The following FAM117A variants were observed in gnomAD, a reference collection of about 807,000 sequenced individuals.
The protein encoded by FAM117A is protein FAM117A.
In FAM117A, 21 loss-of-function variants were observed where a neutral mutation model predicts 44.1. That is an observed-to-expected ratio of 0.48 (90% CI 0.34 to 0.69). The LOEUF is 0.69. Ranked by LOEUF, FAM117A falls within the 30% of genes least tolerant of loss-of-function variation. The pLI is 0.01. For missense variants in FAM117A, 498 were observed against 589.9 expected (o/e 0.84, Z 1.61); for synonymous variants, 220 against 238.3 (o/e 0.92, Z 0.71).
At chr17:49,773,027 C>T (rs1020595465) in intron 1 of FAM117A, among the ~76,000 whole-genome samples, 2 of 151,968 alleles carry the variant, frequency 1.3e-5, no homozygotes, top group African/African-American at 2.4e-5. Flanking sequence ...AAAAATTGGC[C>T]GGGCGTGGTG....
At chr17:49,742,089 GATA>G (rs2073636828) in intron 1 of FAM117A, among the ~76,000 whole-genome samples, 1 of 152,088 alleles carries the variant, frequency 6.6e-6, no homozygotes, top group South Asian at 2.1e-4. Context: ...GAAGAAAAAT[GATA>G]ATATCCCATG....
chr17:49,761,099 G>A (rs1043193823), intron 1 of FAM117A, among the ~76,000 whole-genome samples: 3 of 152,212 alleles, frequency 2.0e-5, no homozygotes, highest in Non-Finnish European at 4.4e-5. Context: ...AACACAGCAG[G>A]ATGTGTGGTG....
At chr17:49,785,634 G>T (rs575024624) in intron 1 of FAM117A, among the ~76,000 whole-genome samples, 4 of 152,304 alleles carry the variant, frequency 2.6e-5, no homozygotes, top group African/African-American at 9.6e-5. Flanking sequence ...TACAGCTGAT[G>T]ATACAATAAA....
At chr17:49,724,585 C>A in intron 2 of FAM117A, 1 of 431,218 alleles carries the variant, frequency 2.3e-6, no homozygotes, top group Non-Finnish European at 4.7e-6. Flanking sequence ...GTAATCCCAA[C>A]ACTTTGGGAG....
chr17:49,745,697 G>A (rs567431847), intron 1 of FAM117A, among the ~76,000 whole-genome samples: 6 of 152,284 alleles, frequency 3.9e-5, no homozygotes, highest in African/African-American at 9.6e-5. Context: ...ATACCACCAT[G>A]AGGAAACAGA....
At chr17:49,718,836 G>A (rs1408040570) in intron 5 of FAM117A, among the ~76,000 whole-genome samples, 1 of 150,412 alleles carries the variant, frequency 6.6e-6, no homozygotes, top group Non-Finnish European at 1.5e-5. Context: ...AATTACCTGG[G>A]CATGGTGGCG....
chr17:49,716,284 T>A lies in FAM117A; in HGVS notation c.942A>T (p.Glu314Asp). 2.5e-6 allele frequency: 4 copies of A among 1,605,932 alleles called. No individual in the cohort carries two copies. The highest frequency in any genetic ancestry group is 3.4e-6 in the Non-Finnish European group (4 of 1,175,712). ...CAAGGACTGGAGATGGGCTGCCATC[T>A]TCAAGAAAGGCTGGGTGTCCTGGAG... Reference protein sequence around the residue: ...ASSPGHPAFLEDGSPSPVLAF... With the variant: ...ASSPGHPAFLDDGSPSPVLAF... The change falls in exon 7 of 8, where the codon GAA (glutamate) becomes GAT (aspartate). Residue 314 changes from glutamate (E) to aspartate (D), a missense_variant. Coordinates refer to ENST00000240364, the MANE Select transcript of FAM117A (RefSeq NM_030802.4).
intron 2 of FAM117A, chr17:49,724,517 A>G (rs2073550341): frequency 2.2e-6 from 1 of 456,274 alleles, no homozygotes; most frequent in Admixed American, 2.3e-5. Context: ...GGAAAGAGAA[A>G]TGCAGGCTAG....
At chr17:49,777,058 C>T (rs529716605) in intron 1 of FAM117A, among the ~76,000 whole-genome samples, 12 of 152,216 alleles carry the variant, frequency 7.9e-5, no homozygotes, top group Admixed American at 1.3e-4. Flanking sequence ...CTGGCTGCAT[C>T]GCCTGCCCAG....
intron 1 of FAM117A, among the ~76,000 whole-genome samples, chr17:49,782,956 G>A (rs2073794244): frequency 6.6e-6 from 1 of 152,168 alleles, no homozygotes; most frequent in Admixed American, 6.5e-5. Context: ...TTTGTTGAAT[G>A]TATAAATGAA....
At chr17:49,758,480 C>T (rs2073707619) in intron 1 of FAM117A, among the ~76,000 whole-genome samples, 2 of 150,394 alleles carry the variant, frequency 1.3e-5, no homozygotes, top group Admixed American at 6.6e-5. Context: ...AAAAATTAGC[C>T]GGGTATGGTG....
chr17:49,747,039 G>A (rs960901804), intron 1 of FAM117A: 6 of 151,602 alleles, frequency 4.0e-5, no homozygotes, highest in Non-Finnish European at 1.5e-5. Flanking sequence ...TCTAGTTCTA[G>A]AATTCCCCAA....
chr17:49,775,503 C>CTT (rs762583524), intron 1 of FAM117A, among the ~76,000 whole-genome samples: 18 of 152,356 alleles, frequency 1.2e-4, no homozygotes, highest in Middle Eastern at 6.8e-3. Flanking sequence ...ACTCCTCCCA[C>CTT]TTAGTAACTT....
chr17:49,715,530 T>C (rs2073498181), intron 7 of FAM117A, among the ~76,000 whole-genome samples: 1 of 152,172 alleles, frequency 6.6e-6, no homozygotes, highest in Admixed American at 6.5e-5. Context: ...CTCAATTCTT[T>C]CGGCTAATGG....
intron 2 of FAM117A, among the ~76,000 whole-genome samples, chr17:49,723,930 A>C (rs897744150): frequency 1.3e-5 from 2 of 152,118 alleles, no homozygotes; most frequent in African/African-American, 4.8e-5. Context: ...GTAACAGAGG[A>C]GTCTACAAAT....
At position 49,720,344 on chromosome 17, in the gene FAM117A, T is replaced by C. The variant is rs1424048913; in HGVS notation, c.555A>G (p.Ala185=). 6.2e-7 allele frequency: 1 copy of C among 1,613,740 alleles called. No homozygotes were observed. Among genetic ancestry groups the C allele is most frequent in the African/African-American group, 1.3e-5 (1 of 75,056 alleles). ...ERGSPLLGDH[A]VRGALRASPP... ...AACATACCCTCAGTGCTCCCCGCAC[T>C]GCGTGGTCCCCTAGGAGTGGTGAAC... Residue 185 remains alanine (A), a synonymous_variant, in exon 4 of 8, where the codon GCA becomes GCG. Transcript: ENST00000240364.
At chr17:49,778,422 C>G (rs1040702970) in intron 1 of FAM117A, among the ~76,000 whole-genome samples, 4 of 152,184 alleles carry the variant, frequency 2.6e-5, no homozygotes, top group African/African-American at 9.7e-5. Flanking sequence ...GAAAACAAAT[C>G]TGCATGTATC....
intron 1 of FAM117A, among the ~76,000 whole-genome samples, chr17:49,738,321 T>C (rs2073619282): frequency 6.6e-6 from 1 of 152,206 alleles, no homozygotes; most frequent in South Asian, 2.1e-4. Context: ...CGGCTCCCTC[T>C]GACCAGTTAT....
At chr17:49,728,653 C>A (rs1312014216) in intron 2 of FAM117A, among the ~76,000 whole-genome samples, 1 of 152,128 alleles carries the variant, frequency 6.6e-6, no homozygotes, top group Non-Finnish European at 1.5e-5. Flanking sequence ...CAGAAAAATA[C>A]ACGAAGACTC....
Sources: allele counts gnomAD v4.1 joint callset (sites outside exome capture counted in the v4.1 genomes callset), GRCh38; gene constraint gnomAD v4.1.1; transcripts MANE v1.5; gene names NCBI Gene and HGNC (gene_info 2026-07-23, HGNC 2026-07-21).